PKD1L3: variants seen among roughly 807,000 people sequenced by gnomAD.
PKD1L3 encodes polycystin 1 like 3, transient receptor potential channel interacting.
A neutral mutation model predicts 184.1 loss-of-function variants in PKD1L3; 239 were observed. The ratio of observed to expected loss-of-function variants is 1.30; its 90% confidence interval spans 1.17 to 1.45. The LOEUF (loss-of-function observed/expected upper bound fraction) is 1.45. PKD1L3 is among the 40% of genes most tolerant of loss of function. PKD1L3 has a pLI of 0.00. For synonymous variants in PKD1L3, 996 were observed against 778.8 expected, an observed-to-expected ratio of 1.28 and a Z score of -4.64; for missense variants, 2,660 against 2,067.2, an observed-to-expected ratio of 1.29 and a Z score of -5.56.
At chr16:71,966,922 CATCT>C (rs566682569) in intron 15 of PKD1L3, among the ~76,000 whole-genome samples, 152 of 152,248 alleles carry the variant, frequency 1.0e-3, no homozygotes, top group African/African-American at 3.4e-3. Flanking sequence ...GAAAACAAAA[CATCT>C]ATTATTCTAC....
intron 4 of PKD1L3, among the ~76,000 whole-genome samples, chr16:71,988,338 G>T (rs902174686): frequency 6.6e-6 from 1 of 152,166 alleles, no homozygotes; most frequent in African/African-American, 2.4e-5. Flanking sequence ...GGGATTACGG[G>T]CACCTGCCAT....
intron 28 of PKD1L3, 149 bp from the exon 29 acceptor site, chr16:71,930,332 A>G (rs1383618154): frequency 1.4e-6 from 1 of 695,994 alleles, no homozygotes; most frequent in Non-Finnish European, 2.2e-6. Context: ...ATAAGAAGGA[A>G]AATACTTTTA....
At chr16:71,996,161 G>A (rs1567558497) in intron 2 of PKD1L3, among the ~76,000 whole-genome samples, 1 of 151,686 alleles carries the variant, frequency 6.6e-6, no homozygotes, top group Non-Finnish European at 1.5e-5. Context: ...CATCTTGCAA[G>A]GGTAACAACA....
chr16:71,997,779 A>ATAAG (rs2040843677), intron 2 of PKD1L3, among the ~76,000 whole-genome samples: 1 of 151,756 alleles, frequency 6.6e-6, no homozygotes, highest in Admixed American at 6.6e-5. Flanking sequence ...AAATAAATAA[A>ATAAG]TAAATAAATA....
chr16:71,979,816 G>A lies in PKD1L3; in HGVS notation c.1368C>T (p.Leu456=). ...GFPSALALKE[L]LNKHPGVNVQ... ...CATTAACTCCTGGATGTTTATTCAA[G>A]AGCTCCTTCAAAGCTAAAGCCGACG... Residue 456 remains leucine (L), a synonymous_variant, in exon 9 of 30, where the codon CTC becomes CTT. Transcript: ENST00000620267. 1.3e-6 allele frequency: 2 copies of A among 1,512,574 alleles called. No individual in the cohort carries two copies. Among genetic ancestry groups the A allele is most frequent in the Non-Finnish European group, 1.8e-6 (2 of 1,136,188 alleles). The allele number at this position is 1,512,574 out of a possible 1,614,324, so 93.7% of individuals were successfully genotyped here.
chr16:71,946,603 G>A (rs1278416144), intron 22 of PKD1L3, among the ~76,000 whole-genome samples: 3 of 151,442 alleles, frequency 2.0e-5, no homozygotes, highest in Admixed American at 6.6e-5. Context: ...TCTCCAGCAT[G>A]GTGACTAAAT....
At chr16:71,933,752 T>C (rs75729192) in intron 27 of PKD1L3, among the ~76,000 whole-genome samples, 163 bp downstream of exon 27, 74 of 152,228 alleles carry the variant, frequency 4.9e-4, no homozygotes, top group African/African-American at 1.7e-3. Context: ...TAGAGAAAAA[T>C]ATGTGGGTTT....
At chr16:71,959,863 A>G (rs145006896) in intron 16 of PKD1L3, among the ~76,000 whole-genome samples, 16 of 152,168 alleles carry the variant, frequency 1.1e-4, no homozygotes, top group African/African-American at 3.9e-4. Flanking sequence ...CACACCTGTA[A>G]TCCTAGCACT....
At chr16:71,959,645 C>G (rs893161682) in intron 16 of PKD1L3, among the ~76,000 whole-genome samples, 11 of 151,916 alleles carry the variant, frequency 7.2e-5, no homozygotes, top group Non-Finnish European at 1.3e-4. Context: ...TTGTCATGTT[C>G]AGGCAGAAGA....
chr16:71,985,433 T>C (rs1329044904), intron 5 of PKD1L3, among the ~76,000 whole-genome samples: 2 of 152,152 alleles, frequency 1.3e-5, no homozygotes, highest in African/African-American at 4.8e-5. Context: ...TTGCCTTTTT[T>C]TGAGAGAGAG....
chr16:71,983,424 G>A (rs1002180087), intron 6 of PKD1L3, among the ~76,000 whole-genome samples: 5 of 152,134 alleles, frequency 3.3e-5, no homozygotes, highest in African/African-American at 1.2e-4. Flanking sequence ...TGGGACTACA[G>A]GTGGGAGCCA....
At chr16:71,941,785 A>AT (rs1280901604) in intron 24 of PKD1L3, among the ~76,000 whole-genome samples, 3 of 151,446 alleles carry the variant, frequency 2.0e-5, no homozygotes, top group Non-Finnish European at 4.4e-5. Context: ...GGGTGTCACC[A>AT]TATTGGCCAG....
intron 27 of PKD1L3, 29 bp from the exon 28 acceptor site, chr16:71,933,550 G>T: frequency 1.4e-6 from 2 of 1,446,534 alleles, no homozygotes; most frequent in Non-Finnish European, 9.5e-7. Context: ...GCCAGTTAGT[G>T]CAAGCCGAGC....
At chr16:71,971,263 T>C (rs1341377946) in intron 12 of PKD1L3, among the ~76,000 whole-genome samples, 1 of 152,250 alleles carries the variant, frequency 6.6e-6, no homozygotes. Context: ...AAGCTGAATG[T>C]GCATTCAATG....
At chr16:71,932,240 T>C (rs2037999952) in intron 28 of PKD1L3, among the ~76,000 whole-genome samples, 1 of 152,214 alleles carries the variant, frequency 6.6e-6, no homozygotes, top group Non-Finnish European at 1.5e-5. Context: ...CCAGTTTCAC[T>C]GCTTAAATGG....
chr16:71,948,803 T>TAAAGAAAAAAAAA (rs2038718182), intron 21 of PKD1L3, among the ~76,000 whole-genome samples: 1 of 81,206 alleles, frequency 1.2e-5, no homozygotes, highest in Non-Finnish European at 2.2e-5. Flanking sequence ...TTACATATAG[T>TAAAGAAAAAAAAA]AAAAAAAAAA....
At chr16:71,945,554 T>C (rs985321250) in intron 22 of PKD1L3, among the ~76,000 whole-genome samples, 1 of 151,660 alleles carries the variant, frequency 6.6e-6, no homozygotes, top group Non-Finnish European at 1.5e-5. Context: ...GGAGTGCACC[T>C]GTAATCACAG....
chr16:71,986,916 T>TGGA (rs1331429764), intron 4 of PKD1L3, among the ~76,000 whole-genome samples: 8 of 37,512 alleles, frequency 2.1e-4, no homozygotes, highest in Admixed American at 1.6e-3. Flanking sequence ...AGGAGAGGAT[T>TGGA]TTTTTTTTTT....
intron 1 of PKD1L3, among the ~76,000 whole-genome samples, chr16:71,999,098 C>G (rs560462392): frequency 6.6e-6 from 1 of 151,888 alleles, no homozygotes; most frequent in African/African-American, 2.4e-5. Context: ...AGTGAAACCC[C>G]GTCTCTACTA....
Sources: gnomAD v4.1 joint callset for allele counts (sites outside exome capture counted in the v4.1 genomes callset) on GRCh38, gnomAD v4.1.1 for gene constraint, MANE v1.5 for transcripts, NCBI Gene and HGNC (gene_info 2026-07-23, HGNC 2026-07-21) for gene names.